FMNL2: variants seen among roughly 807,000 people sequenced by gnomAD.
The protein encoded by FMNL2 is formin like 2.
Under a neutral mutation model 130.2 loss-of-function variants are expected in FMNL2, and 51 were observed. The observed-to-expected ratio is 0.39, with a 90% CI of 0.31 to 0.49. The LOEUF (loss-of-function observed/expected upper bound fraction) is 0.49. FMNL2 is among the 20% of genes least tolerant of loss of function. The pLI is 0.85. For missense variants in FMNL2, 977 were observed against 1,316.2 expected, an observed-to-expected ratio of 0.74 and a Z score of 3.99; for synonymous variants, 465 against 467.1, an observed-to-expected ratio of 1.00 and a Z score of 0.06.
At chr2:152,373,295 T>G (rs1683987512) in intron 1 of FMNL2, among the ~76,000 whole-genome samples, 1 of 152,214 alleles carries the variant, frequency 6.6e-6, no homozygotes, top group South Asian at 2.1e-4. Flanking sequence ...TGAAGTCTGG[T>G]GGTCCCTGAT....
chr2:152,377,999 C>A (rs895100928), intron 1 of FMNL2, among the ~76,000 whole-genome samples: 29 of 151,696 alleles, frequency 1.9e-4, no homozygotes, highest in Middle Eastern at 3.4e-3. Context: ...GTAGTCCCAG[C>A]TACTAGGGAG....
At chr2:152,603,538 A>G (rs1474025795) in intron 9 of FMNL2, among the ~76,000 whole-genome samples, 8 of 150,446 alleles carry the variant, frequency 5.3e-5, no homozygotes, top group Non-Finnish European at 1.0e-4. Flanking sequence ...CATCTACTTC[A>G]GGTCTATCTG....
intron 21 of FMNL2, among the ~76,000 whole-genome samples, chr2:152,633,378 G>A (rs748401283): frequency 6.6e-6 from 1 of 152,154 alleles, no homozygotes; most frequent in Non-Finnish European, 1.5e-5. Flanking sequence ...GTACAGGTGT[G>A]AGTTACCATG....
intron 6 of FMNL2, among the ~76,000 whole-genome samples, chr2:152,569,178 A>G (rs1696028734): frequency 6.6e-6 from 1 of 150,604 alleles, no homozygotes; most frequent in South Asian, 2.1e-4. Flanking sequence ...GACTTTAACC[A>G]GAACACTAAC....
intron 1 of FMNL2, among the ~76,000 whole-genome samples, chr2:152,507,878 G>A (rs1472907428): frequency 1.3e-5 from 2 of 151,912 alleles, no homozygotes; most frequent in African/African-American, 4.8e-5. Flanking sequence ...TTTGAACCCA[G>A]GTATGAGTAA....
chr2:152,636,474 A>G lies in FMNL2; in HGVS notation c.2728A>G (p.Met910Val), dbSNP rs1682613740. ...GGATGTCAAGGAGCTCCAGAGGGGA[A>G]TGGACTTGACCAAGAGAGAGTACAC... ...LLDVKELQRG[M>V]DLTKREYTMH... is the part of the protein sequence containing the mutation. Residue 910 changes from methionine to valine, a missense_variant, in exon 22 of 26, where the codon ATG becomes GTG. By Grantham distance (21) the Met-to-Val change is conservative. This residue lies in a region of FMNL2 where 689 missense variants were observed against 995.9 expected (regional missense o/e 0.69). Transcript: ENST00000288670. 2 of 1,612,060 alleles carry G rather than the reference A, an allele frequency of 1.2e-6. No individual in the cohort carries two copies. The highest frequency in any genetic ancestry group is 1.7e-6 in the Non-Finnish European group (2 of 1,179,112).
At chr2:152,631,111 C>T (rs1038628927) in intron 20 of FMNL2, among the ~76,000 whole-genome samples, 3 of 152,194 alleles carry the variant, frequency 2.0e-5, no homozygotes, top group African/African-American at 7.2e-5. Flanking sequence ...ATAGGCCAGG[C>T]CTGGTGGCTC....
intron 1 of FMNL2, chr2:152,389,906 A>G (rs1239469197): frequency 9.6e-7 from 1 of 1,036,894 alleles, no homozygotes; most frequent in Non-Finnish European, 1.5e-6. Flanking sequence ...AGAACCCGGG[A>G]GAAGGTGGAG....
chr2:152,430,545 C>T (rs1214228035), intron 1 of FMNL2, among the ~76,000 whole-genome samples: 1 of 152,182 alleles, frequency 6.6e-6, no homozygotes, highest in African/African-American at 2.4e-5. Flanking sequence ...CCTACTTTCA[C>T]TTCCATTCAT....
At chr2:152,393,007 GC>G (rs2105934374) in intron 1 of FMNL2, among the ~76,000 whole-genome samples, 1 of 151,896 alleles carries the variant, frequency 6.6e-6, no homozygotes, top group East Asian at 1.9e-4. Flanking sequence ...CCTCTTTCAG[GC>G]CTCCAGCAGG....
intron 7 of FMNL2, 81 bp downstream of exon 7, chr2:152,575,325 G>T (rs1463816474): frequency 8.4e-6 from 7 of 832,426 alleles, no homozygotes; most frequent in Non-Finnish European, 1.3e-5. Context: ...AGTGTACACC[G>T]CTTGGGCGAA....
intron 9 of FMNL2, among the ~76,000 whole-genome samples, chr2:152,594,606 A>G (rs1020817872): frequency 8.5e-5 from 13 of 152,198 alleles, no homozygotes; most frequent in Non-Finnish European, 1.8e-4. Context: ...GTACCACCGC[A>G]CGAGGTACTG....
At chr2:152,414,714 T>C (rs147539581) in intron 1 of FMNL2, among the ~76,000 whole-genome samples, 1 of 152,250 alleles carries the variant, frequency 6.6e-6, no homozygotes, top group African/African-American at 2.4e-5. Context: ...TCGAGGCCAT[T>C]TTAGGTAAGC....
chr2:152,440,962 C>T (rs538356828), intron 1 of FMNL2, among the ~76,000 whole-genome samples: 1 of 152,282 alleles, frequency 6.6e-6, no homozygotes, highest in Admixed American at 6.5e-5. Flanking sequence ...AAACTGCCTT[C>T]ACCTTGTCTT....
At chr2:152,646,343 AC>A (rs5835441) in intron 25 of FMNL2, among the ~76,000 whole-genome samples, 142,831 of 150,612 alleles carry the variant, frequency 0.95, 67,678 homozygotes, top group East Asian at 0.99. Context: ...ACCCCCGCCC[AC>A]CCCCCCAGAA....
chr2:152,609,257 T>C (rs1698556588), intron 10 of FMNL2, among the ~76,000 whole-genome samples: 1 of 152,274 alleles, frequency 6.6e-6, no homozygotes, highest in Non-Finnish European at 1.5e-5. Flanking sequence ...GCTAGATTCA[T>C]GTGTCACCTT....
At chr2:152,438,190 T>C (rs1466008429) in intron 1 of FMNL2, among the ~76,000 whole-genome samples, 1 of 152,212 alleles carries the variant, frequency 6.6e-6, no homozygotes, top group Non-Finnish European at 1.5e-5. Flanking sequence ...TTAGAGAATA[T>C]AAGAAGGCCT....
intron 1 of FMNL2, among the ~76,000 whole-genome samples, chr2:152,387,582 G>GA (rs1270401637): frequency 2.0e-5 from 3 of 152,208 alleles, no homozygotes; most frequent in Non-Finnish European, 2.9e-5. Flanking sequence ...TTCAGTAGCT[G>GA]AGGTTCAGTT....
At chr2:152,380,544 A>G (rs1274248138) in intron 1 of FMNL2, among the ~76,000 whole-genome samples, 2 of 152,156 alleles carry the variant, frequency 1.3e-5, no homozygotes, top group African/African-American at 4.8e-5. Context: ...ATTGTTCTCC[A>G]TACACTCTGG....
Sources: gnomAD v4.1 joint callset for allele counts (sites outside exome capture counted in the v4.1 genomes callset) on GRCh38, gnomAD v4.1.1 for gene constraint, gnomAD v4.1.1 regional missense constraint, MANE v1.5 for transcripts, NCBI Gene and HGNC (gene_info 2026-07-23, HGNC 2026-07-21) for gene names.